Variants in MAGEC1 observed in about 807,000 individuals in gnomAD.
MAGEC1 encodes MAGE family member C1.
In MAGEC1, 3 loss-of-function variants were observed where a neutral mutation model predicts 1.5. The observed-to-expected ratio is 1.97, with a 90% CI of 0.90 to 5.10. MAGEC1 has a LOEUF of 5.10. MAGEC1 is among the 30% of genes most tolerant of loss of function. The pLI is 0.02. For synonymous variants in MAGEC1, 357 were observed against 310.4 expected, an observed-to-expected ratio of 1.15 and a Z score of -1.58; for missense variants, 985 against 803.1, an observed-to-expected ratio of 1.23 and a Z score of -2.74.
rs1344976244 is a variant in MAGEC1 at position 141,907,386 on chromosome X, A to G, written c.1982A>G (p.His661Arg). 7 of 1,202,634 alleles carry G rather than the reference A, an allele frequency of 5.8e-6. No homozygotes were observed. The highest frequency in any genetic ancestry group is 1.8e-5 in the African/African-American group (1 of 54,714). ...GAGGGGCCTGTCCAGTCTCCTCTCC[A>G]TAGTCCTCAGAGCCCTCCTGAGGGG... ...PPEGPVQSPL[H>R]SPQSPPEGMH... is the part of the protein sequence containing the mutation. The change falls in exon 4 of 4, where the codon CAT (histidine) becomes CGT (arginine). Residue 661 changes from histidine to arginine, a missense_variant. His to Arg is a conservative substitution (Grantham distance 29). Coordinates refer to ENST00000285879, the MANE Select transcript of MAGEC1 (RefSeq NM_005462.5).
At position 141,905,472 on chromosome X, in the gene MAGEC1, A is replaced by T. The variant is rs753945607; in HGVS notation, c.68A>T (p.Gln23Leu). 9.1e-6 allele frequency: 11 copies of T among 1,210,277 alleles called. No individual in the cohort carries two copies. The highest frequency in any genetic ancestry group is 1.0e-5 in the Non-Finnish European group (9 of 895,007). Residue 23 changes from glutamine (Q) to leucine (L), a missense_variant, in exon 4 of 4, where the codon CAG (glutamine) becomes CTG (leucine). Coordinates refer to ENST00000285879, the MANE Select transcript of MAGEC1 (RefSeq NM_005462.5). ...CTCCAGAGTTCCTCTGAGAGTCCTC[A>T]GAGTTGTCCTGAGGGGGAGGACTCC... ...SLLQSSSESP[Q>L]SCPEGEDSQS...
In MAGEC1 at chrX:141,908,753, A is replaced by G. The variant is rs1927039137; in HGVS notation, c.3349A>G (p.Ile1117Val). 2.5e-6 allele frequency: 3 copies of G among 1,209,252 alleles called. No homozygotes were observed. Among genetic ancestry groups the G allele is most frequent in the African/African-American group, 3.5e-5 (2 of 57,160 alleles). ...AGATGTGGAAGAGAGAGCCCAGGCC[A>G]TAATTGACACCACAGATGATTCGAC... ...LKDVEERAQA[I>V]IDTTDDSTAT... The change falls in exon 4 of 4, where the codon ATA becomes GTA. Residue 1117 changes from isoleucine to valine, a missense_variant. Ile to Val is a conservative substitution (Grantham distance 29). Transcript: ENST00000285879.
chrX:141,908,706 C>T lies in MAGEC1; in HGVS notation c.3302C>T (p.Ser1101Phe), dbSNP rs1026591342. 1 of 1,211,670 alleles carries T rather than the reference C, an allele frequency of 8.3e-7. No individual in the cohort carries two copies. Among genetic ancestry groups the T allele is most frequent in the Non-Finnish European group, 1.1e-6 (1 of 895,335 alleles). Residue 1101 changes from serine to phenylalanine, a missense_variant, in exon 4 of 4, where the codon TCC (serine) becomes TTC (phenylalanine). Transcript: ENST00000285879. ...AATACCGTCCCTATTACCTTTCCATCCTCTTACAAGGATGCTTTGAAAGAT... is the reference window on the plus strand; with the variant it reads ...AATACCGTCCCTATTACCTTTCCATTCTCTTACAAGGATGCTTTGAAAGAT... ...LKNTVPITFP[S>F]SYKDALKDVE...
intron 3 of MAGEC1, 94 bp downstream of exon 3, chrX:141,905,170 C>G: frequency 1.8e-6 from 2 of 1,121,556 alleles, no homozygotes; most frequent in Non-Finnish European, 1.2e-6. Context: ...CGTTTACCTG[C>G]TGCTCCTGAA....
At position 141,907,373 on chromosome X, in the gene MAGEC1, C is replaced by T. The variant is rs1569477924; in HGVS notation, c.1969C>T (p.Gln657Ter). ...TCAGAGTCCTCCTGAGGGGCCTGTC[C>T]AGTCTCCTCTCCATAGTCCTCAGAG... ...SSQSPPEGPV[Q>*]SPLHSPQSPP... Residue 657 changes from glutamine (Q) to a stop codon, truncating the protein, a stop_gained, in exon 4 of 4, where the codon CAG (glutamine) becomes TAG (stop). Coordinates refer to ENST00000285879, the MANE Select transcript of MAGEC1 (RefSeq NM_005462.5). LOFTEE classifies it low-confidence loss of function (END_TRUNC). 1.0e-5 allele frequency: 12 copies of T among 1,204,263 alleles called. No individual in the cohort carries two copies. Among genetic ancestry groups the T allele is most frequent in the Non-Finnish European group, 1.3e-5 (12 of 893,158 alleles).
rs756232804 is a variant in MAGEC1, at chrX:141,908,453, G to A, written c.3049G>A (p.Glu1017Lys). The change falls in exon 4 of 4, where the codon GAG becomes AAG. Residue 1017 changes from glutamate to lysine, a missense_variant. Physicochemically the swap from Glu to Lys is moderately conservative, Grantham distance 56. Transcript: ENST00000285879. ...IFIKGTYASE[E>K]VIWDVLSGIG... is the part of the protein sequence containing the mutation. ...CATAAAGGGCACCTATGCCTCTGAG[G>A]AGGTCATCTGGGATGTGCTGAGTGG... is the stretch of plus-strand genomic sequence containing the variant. 8.3e-6 allele frequency: 10 copies of A among 1,206,626 alleles called. No homozygotes were observed. The South Asian group carries it at 1.8e-4, about 22-fold the overall frequency.
intron 2 of MAGEC1, 77 bp downstream of exon 2, chrX:141,904,891 G>T: frequency 1.6e-6 from 1 of 644,538 alleles, no homozygotes. Flanking sequence ...CCGGCCTGTA[G>T]CCACCCACTG....
At position 141,903,955 on chromosome X, in the gene MAGEC1, TTA is replaced by T. The variant is rs201533284; in HGVS notation, c.-222_-221del. On this transcript the variant is annotated 5_prime_UTR_variant, in exon 1 of 4. Coordinates refer to ENST00000285879, the MANE Select transcript of MAGEC1 (RefSeq NM_005462.5). The stretch of plus-strand genomic sequence containing the variant: ...TCTCAGGTCAGCGGAGGGAGGAGAC[TTA>T]TAGACCTATCCAGTCTTCAAGGTGA... 0.14 allele frequency: 17,013 copies of T among 122,721 alleles called. 1,203 individuals are homozygous for T. Among genetic ancestry groups the T allele is most frequent in the African/African-American group, 0.26 (8,083 of 30,703 alleles). The allele number at this position is 122,721 out of a possible 1,213,427, so 10.1% of individuals were successfully genotyped here.
At chrX:141,904,332 C>T (rs374073843) in intron 1 of MAGEC1, among the ~76,000 whole-genome samples, 19 of 110,383 alleles carry the variant, frequency 1.7e-4, no homozygotes, top group Non-Finnish European at 3.4e-4. Flanking sequence ...AGGCCTTGTT[C>T]TGGGGGTCCC....
Position 141,907,250 on chromosome X carries a change from C to A in MAGEC1, c.1846C>A (p.Leu616Ile). ...MSPLYFPQSPLQGEEFQSSLQ... is the reference protein window; with the variant it reads ...MSPLYFPQSPIQGEEFQSSLQ... ...TCCTCTCTACTTTCCTCAGAGTCCTCTTCAGGGGGAGGAATTCCAGTCTTC... is the reference window on the plus strand; with the variant it reads ...TCCTCTCTACTTTCCTCAGAGTCCTATTCAGGGGGAGGAATTCCAGTCTTC... The change falls in exon 4 of 4, where the codon CTT (leucine) becomes ATT (isoleucine). Residue 616 changes from leucine (L) to isoleucine (I), a missense_variant. Coordinates refer to ENST00000285879, the MANE Select transcript of MAGEC1 (RefSeq NM_005462.5). The A allele has an allele frequency of 1.7e-6, 2 of 1,210,898 alleles. No homozygotes were observed. The highest frequency in any genetic ancestry group is 2.2e-6 in the Non-Finnish European group (2 of 895,220).
In MAGEC1 at chrX:141,908,815, C is replaced by A. The variant is rs372969555; in HGVS notation, c.3411C>A (p.Pro1137=). Residue 1137 remains proline (P), a synonymous_variant, in exon 4 of 4, where the codon CCC becomes CCA. Coordinates refer to ENST00000285879, the MANE Select transcript of MAGEC1 (RefSeq NM_005462.5). ...GTGCAAGCTCCAGTGTCATGTCCCCCAGCTTCTCTTCTGAGTGAAGTCTAG... is the reference window on the plus strand; with the variant it reads ...GTGCAAGCTCCAGTGTCATGTCCCCAAGCTTCTCTTCTGAGTGAAGTCTAG... ...TESASSSVMS[P]SFSSE 8.4e-7 allele frequency: 1 copy of A among 1,196,039 alleles called. No individual in the cohort carries two copies. Among genetic ancestry groups the A allele is most frequent in the African/African-American group, 1.8e-5 (1 of 56,723 alleles).
At position 141,908,418 on chromosome X, in the gene MAGEC1, G is replaced by T; in HGVS notation, c.3014G>T (p.Ser1005Ile). The change falls in exon 4 of 4, where the codon AGT becomes ATT. Residue 1005 changes from serine to isoleucine, a missense_variant. Coordinates refer to ENST00000285879, the MANE Select transcript of MAGEC1 (RefSeq NM_005462.5). ...SQNRLLILIL[S>I]IIFIKGTYAS... ...AACCGCCTCCTGATTCTTATTCTGA[G>T]TATCATCTTCATAAAGGGCACCTAT... The T allele has an allele frequency of 8.3e-7, 1 of 1,211,146 alleles. No homozygotes were observed. Among genetic ancestry groups the T allele is most frequent in the African/African-American group, 1.7e-5 (1 of 57,662 alleles).
rs374306505 is a variant in MAGEC1 at position 141,907,734 on chromosome X, G to A, written c.2330G>A (p.Arg777Lys). 7.5e-6 allele frequency: 9 copies of A among 1,207,795 alleles called. No homozygotes were observed. The highest frequency in any genetic ancestry group is 5.9e-5 in the East Asian group (2 of 33,614). ...GGGCCTGCTCAGTCTCCTCTCCAGA[G>A]ACCTGTCAGCTCCTTCTTCTCCTAC... ...PEGPAQSPLQ[R>K]PVSSFFSYTL... is the part of the protein sequence containing the mutation. The change falls in exon 4 of 4, where the codon AGA (arginine) becomes AAA (lysine). Residue 777 changes from arginine (R) to lysine (K), a missense_variant. Physicochemically the swap from Arg to Lys is conservative, Grantham distance 26. Transcript: ENST00000285879.
chrX:141,907,400 C>G lies in MAGEC1; in HGVS notation c.1996C>G (p.Pro666Ala), dbSNP rs779127756. 5.9e-6 allele frequency: 7 copies of G among 1,187,502 alleles called. No homozygotes were observed. Among genetic ancestry groups the G allele is most frequent in the Non-Finnish European group, 6.8e-6 (6 of 884,058 alleles). ...VQSPLHSPQS[P>A]PEGMHSQSPL... ...GTCTCCTCTCCATAGTCCTCAGAGC[C>G]CTCCTGAGGGGATGCACTCCCAATC... Residue 666 changes from proline to alanine, a missense_variant, in exon 4 of 4, where the codon CCT (proline) becomes GCT (alanine). By Grantham distance (27) the Pro-to-Ala change is conservative. Transcript: ENST00000285879.
chrX:141,904,976 A>G lies in MAGEC1; in HGVS notation c.-97A>G. On this transcript the variant is annotated 5_prime_UTR_variant, in exon 3 of 4. Coordinates refer to ENST00000285879, the MANE Select transcript of MAGEC1 (RefSeq NM_005462.5). ...TTCTCGCGTCCTTCTACAGGTTCCCAGAAGACAAACCCCCTAGGAAGACAG... is the reference window on the plus strand; with the variant it reads ...TTCTCGCGTCCTTCTACAGGTTCCCGGAAGACAAACCCCCTAGGAAGACAG... The G allele has an allele frequency of 8.4e-7, 1 of 1,185,427 alleles. No individual in the cohort carries two copies. The highest frequency in any genetic ancestry group is 3.0e-5 in the East Asian group (1 of 33,693).
At chrX:141,904,861 C>T (rs1211998429) in intron 2 of MAGEC1, 47 bp downstream of exon 2, 1 of 490,110 alleles carries the variant, frequency 2.0e-6, no homozygotes, top group Non-Finnish European at 3.5e-6. Flanking sequence ...CCCCCAGAAA[C>T]AGGGCAGACC....
chrX:141,908,481 TA>T lies in MAGEC1; in HGVS notation c.3078del (p.Ile1026MetfsTer29), dbSNP rs1436705428. On this transcript the variant is annotated frameshift_variant, in exon 4 of 4. Coordinates refer to ENST00000285879, the MANE Select transcript of MAGEC1 (RefSeq NM_005462.5). LOFTEE classifies it low-confidence loss of function (END_TRUNC). ...EEVIWDVLSG[I>X]GVRAGREHFA... ...GTCATCTGGGATGTGCTGAGTGGAA[TA>T]GGGGTGCGTGCTGGGAGGGAGCACT... is the stretch of plus-strand genomic sequence containing the variant. 2 of 1,200,391 alleles carry T rather than the reference TA, an allele frequency of 1.7e-6. No homozygotes were observed. The highest frequency in any genetic ancestry group is 1.8e-5 in the South Asian group (1 of 54,709).
chrX:141,906,249 G>GTATTT lies in MAGEC1; in HGVS notation c.846_847insATTTT (p.Leu283IlefsTer27), dbSNP rs777459924. On this transcript the variant is annotated frameshift_variant, in exon 4 of 4. Transcript: ENST00000285879. LOFTEE classifies it low-confidence loss of function (END_TRUNC). ...CCCTCCTTCTCCTCCACTTTAGTGAGTCTTTTCCAGAGTTCCCCTGAGAGA... is the reference window on the plus strand; with the variant it reads ...CCCTCCTTCTCCTCCACTTTAGTGAGTATTTTCTTTTCCAGAGTTCCCCTGAGAGA... The GTATTT allele has an allele frequency of 1.9e-6, 2 of 1,070,482 alleles. No individual in the cohort carries two copies. Among genetic ancestry groups the GTATTT allele is most frequent in the African/African-American group, 4.0e-5 (2 of 49,576 alleles). The allele number at this position is 1,070,482 out of a possible 1,213,427, so 88.2% of individuals were successfully genotyped here.
rs371167802 is a variant in MAGEC1 at position 141,906,945 on chromosome X, T to C, written c.1541T>C (p.Leu514Pro). ...STFEGFPQSP[L>P]QIPQSPPEGE... ...TTTGAGGGTTTTCCCCAGTCTCCTC[T>C]CCAGATTCCTCAGAGTCCTCCTGAA... Residue 514 changes from leucine (L) to proline (P), a missense_variant, in exon 4 of 4, where the codon CTC (leucine) becomes CCC (proline). Transcript: ENST00000285879. The C allele has an allele frequency of 1.7e-6, 2 of 1,210,786 alleles. No individual in the cohort carries two copies. Among genetic ancestry groups the C allele is most frequent in the African/African-American group, 3.5e-5 (2 of 57,390 alleles).
Sources: allele counts gnomAD v4.1 joint callset (sites outside exome capture counted in the v4.1 genomes callset), GRCh38; gene constraint gnomAD v4.1.1; transcripts MANE v1.5; gene names NCBI Gene and HGNC (gene_info 2026-07-23, HGNC 2026-07-21).